The following KCTD16 variants were observed in gnomAD, a reference collection of about 807,000 sequenced individuals.
KCTD16 encodes the protein BTB/POZ domain-containing protein KCTD16.
KCTD16 carries 13 observed loss-of-function variants against 33.2 expected under a neutral mutation model. The ratio of observed to expected loss-of-function variants is 0.39; its 90% CI spans 0.25 to 0.62. The LOEUF (loss-of-function observed/expected upper bound fraction) is 0.62. KCTD16 is among the 20% of genes least tolerant of loss of function. The pLI is 0.50. For synonymous variants in KCTD16, 197 were observed against 195.3 expected, an observed-to-expected ratio of 1.01 and a Z score of -0.07; for missense variants, 441 against 525.1, an observed-to-expected ratio of 0.84 and a Z score of 1.57.
At chr5:144,464,753 CTCTTCCTCTTCTTCTTCTTCT>C (rs1754281319) in intron 3 of KCTD16, among the ~76,000 whole-genome samples, 1 of 150,342 alleles carries the variant, frequency 6.7e-6, no homozygotes, top group Non-Finnish European at 1.5e-5. Context: ...CTTCCTCTTC[CTCTTCCTCTTCTTCTTCTTCT>C]TCTTCCTCTT....
At chr5:144,397,214 G>T (rs1318719076) in intron 3 of KCTD16, among the ~76,000 whole-genome samples, 11 of 151,692 alleles carry the variant, frequency 7.3e-5, no homozygotes. Context: ...GAGAATGATG[G>T]TTTCCAGCTT....
At chr5:144,410,880 G>C (rs895097751) in intron 3 of KCTD16, among the ~76,000 whole-genome samples, 1 of 152,094 alleles carries the variant, frequency 6.6e-6, no homozygotes, top group Non-Finnish European at 1.5e-5. Context: ...TCTGTTATAA[G>C]CTGAGTATTT....
chr5:144,354,024 A>G (rs140784151), intron 3 of KCTD16, among the ~76,000 whole-genome samples: 45 of 152,316 alleles, frequency 3.0e-4, no homozygotes, highest in African/African-American at 1.0e-3. Flanking sequence ...TATTTTGATT[A>G]TAAGGTAAAT....
intron 3 of KCTD16, among the ~76,000 whole-genome samples, chr5:144,306,710 G>A (rs1238427872): frequency 6.6e-6 from 1 of 152,114 alleles, no homozygotes; most frequent in Non-Finnish European, 1.5e-5. Flanking sequence ...GGTGTAGAGA[G>A]GACTGTGAGT....
intron 3 of KCTD16, among the ~76,000 whole-genome samples, chr5:144,412,550 T>A (rs959499864): frequency 2.6e-5 from 4 of 152,114 alleles, no homozygotes; most frequent in Admixed American, 2.6e-4. Flanking sequence ...AAAGAGAGTT[T>A]GACTAGTGGA....
intron 3 of KCTD16, among the ~76,000 whole-genome samples, chr5:144,334,719 G>A (rs996657077): frequency 6.6e-6 from 1 of 152,158 alleles, no homozygotes; most frequent in Non-Finnish European, 1.5e-5. Context: ...GTAATGAAAT[G>A]AGTGCAGTGA....
At chr5:144,370,255 GTA>G (rs994401493) in intron 3 of KCTD16, among the ~76,000 whole-genome samples, 11 of 152,226 alleles carry the variant, frequency 7.2e-5, no homozygotes, top group African/African-American at 2.6e-4. Context: ...GGGGTAGAAA[GTA>G]TAAAAAGCTC....
intron 3 of KCTD16, among the ~76,000 whole-genome samples, chr5:144,388,076 T>G (rs996105275): frequency 1.6e-5 from 2 of 122,578 alleles, no homozygotes; most frequent in South Asian, 2.8e-4. Flanking sequence ...TTTTTTTTTT[T>G]TTTTTTTTTT....
chr5:144,174,003 A>G (rs1242288056), intron 1 of KCTD16, among the ~76,000 whole-genome samples: 1 of 150,966 alleles, frequency 6.6e-6, no homozygotes, highest in Non-Finnish European at 1.5e-5. Flanking sequence ...GTCCTCTGTT[A>G]AAGTCACCCA....
intron 3 of KCTD16, among the ~76,000 whole-genome samples, chr5:144,321,655 GA>G (rs1752077735): frequency 1.3e-5 from 2 of 152,120 alleles, no homozygotes. Flanking sequence ...TATTCTATTA[GA>G]TAAGATGTGT....
intron 3 of KCTD16, among the ~76,000 whole-genome samples, chr5:144,373,942 G>A (rs568064967): frequency 1.6e-4 from 25 of 152,298 alleles, no homozygotes; most frequent in African/African-American, 6.0e-4. Context: ...CAGTTCTGAA[G>A]ATCTTTGGCT....
At chr5:144,377,053 G>C (rs1334198020) in intron 3 of KCTD16, among the ~76,000 whole-genome samples, 1 of 152,128 alleles carries the variant, frequency 6.6e-6, no homozygotes, top group Non-Finnish European at 1.5e-5. Context: ...TGGTGTTTTA[G>C]GGATTGTTTC....
At chr5:144,274,142 CTCTT>C (rs1316432535) in intron 3 of KCTD16, among the ~76,000 whole-genome samples, 2 of 151,380 alleles carry the variant, frequency 1.3e-5, no homozygotes, top group East Asian at 1.9e-4. Context: ...TTCTCTTTTT[CTCTT>C]TCTATTTATT....
chr5:144,470,899 G>T (rs1367901125), intron 3 of KCTD16, among the ~76,000 whole-genome samples: 3 of 152,200 alleles, frequency 2.0e-5, no homozygotes, highest in Non-Finnish European at 4.4e-5. Context: ...ACTTTTGGAA[G>T]ACTGAGTGCA....
chr5:144,180,807 G>A (rs1024833980), intron 2 of KCTD16, among the ~76,000 whole-genome samples: 1 of 152,104 alleles, frequency 6.6e-6, no homozygotes, highest in Non-Finnish European at 1.5e-5. Flanking sequence ...AAAAAAAGCT[G>A]TATTACCATT....
intron 3 of KCTD16, among the ~76,000 whole-genome samples, chr5:144,451,852 C>A (rs1753949510): frequency 6.6e-6 from 1 of 152,070 alleles, no homozygotes; most frequent in Non-Finnish European, 1.5e-5. Context: ...TTCTGAGAAA[C>A]TTCTCTTGAG....
rs1358589001 is a variant in KCTD16, at chr5:144,207,267, A to G, written c.553A>G (p.Lys185Glu). 1 of 1,614,102 alleles carries G rather than the reference A, an allele frequency of 6.2e-7. No homozygotes were observed. Among genetic ancestry groups the G allele is most frequent in the Non-Finnish European group, 8.5e-7 (1 of 1,180,052 alleles). ...GGGCAGAGAGGGACAGGCAGATGCCAAGTTTCGGAGAGTTCCCCGGATTTT... is the reference window on the plus strand; with the variant it reads ...GGGCAGAGAGGGACAGGCAGATGCCGAGTTTCGGAGAGTTCCCCGGATTTT... ...TLGREGQADAKFRRVPRILVC... is the reference protein window; with the variant it reads ...TLGREGQADAEFRRVPRILVC... The change falls in exon 3 of 4, where the codon AAG (lysine) becomes GAG (glutamate). Residue 185 changes from lysine to glutamate, a missense_variant. Lys to Glu is a moderately conservative substitution (Grantham distance 56). Transcript: ENST00000512467.
intron 3 of KCTD16, among the ~76,000 whole-genome samples, chr5:144,292,649 T>C (rs1173366332): frequency 6.6e-6 from 1 of 152,098 alleles, no homozygotes; most frequent in Non-Finnish European, 1.5e-5. Context: ...AGCTAGGAAT[T>C]TGAAAGCCAT....
At chr5:144,438,552 A>G (rs1335440602) in intron 3 of KCTD16, among the ~76,000 whole-genome samples, 1 of 152,156 alleles carries the variant, frequency 6.6e-6, no homozygotes, top group Non-Finnish European at 1.5e-5. Context: ...CATCCACTCA[A>G]TTCTAATAAG....
Sources: gnomAD v4.1 joint callset for allele counts (sites outside exome capture counted in the v4.1 genomes callset) on GRCh38, gnomAD v4.1.1 for gene constraint, MANE v1.5 for transcripts, NCBI Gene and HGNC (gene_info 2026-07-23, HGNC 2026-07-21) for gene names.